The following SYT17 variants were observed in gnomAD, a reference collection of about 807,000 sequenced individuals.
SYT17 encodes the protein synaptotagmin 17.
Under a neutral mutation model 46.7 loss-of-function variants are expected in SYT17, and 22 were observed. That is an observed-to-expected ratio of 0.47 (90% confidence interval 0.34 to 0.67). The LOEUF (loss-of-function observed/expected upper bound fraction) is 0.67, where lower values mean the gene tolerates loss of function less well. Ranked by LOEUF, SYT17 falls within the 30% of genes least tolerant of loss-of-function variation. SYT17 has a pLI of 0.01. For synonymous variants in SYT17, 251 were observed against 248.4 expected, an observed-to-expected ratio of 1.01 and a Z score of -0.10; for missense variants, 519 against 612.8, an observed-to-expected ratio of 0.85 and a Z score of 1.62.
At chr16:19,187,487 G>A (rs1384964313) in intron 5 of SYT17, among the ~76,000 whole-genome samples, 1 of 152,166 alleles carries the variant, frequency 6.6e-6, no homozygotes, top group African/African-American at 2.4e-5. Context: ...CACATTTGGG[G>A]AGCAAATGTA....
In SYT17 at chr16:19,267,157, C is replaced by G; in HGVS notation, c.*81C>G. 7.8e-7 allele frequency: 1 copy of G among 1,276,256 alleles called. No homozygotes were observed. The highest frequency in any genetic ancestry group is 1.1e-6 in the Non-Finnish European group (1 of 947,898). 79.1% of individuals were successfully genotyped at this position (1,276,256 alleles called of 1,614,324 possible). On this transcript the variant is annotated 3_prime_UTR_variant, in exon 8 of 8. Coordinates refer to ENST00000355377, the MANE Select transcript of SYT17 (RefSeq NM_016524.4). ...AAAATGTGTCACATACTATTACATC[C>G]ACACCTGCATACACACTCGCAACAT...
intron 7 of SYT17, among the ~76,000 whole-genome samples, chr16:19,238,541 C>T (rs975872622): frequency 9.2e-5 from 14 of 152,230 alleles, no homozygotes; most frequent in East Asian, 3.8e-4. Flanking sequence ...TTGGCTGGAT[C>T]GTACACATCC....
At chr16:19,168,159 C>G (rs1036710108), upstream of SYT17, 1 of 162,986 alleles carries the variant, frequency 6.1e-6, no homozygotes, top group Non-Finnish European at 1.3e-5. This position sits in a 1 kb window ranked among gnomAD's most constrained non-coding sequence, Gnocchi z 6.9. Flanking sequence ...GTGCCAGCCC[C>G]CGTGCCAGCA....
chr16:19,234,265 G>C (rs1439379669), intron 7 of SYT17, among the ~76,000 whole-genome samples: 1 of 152,082 alleles, frequency 6.6e-6, no homozygotes. Context: ...GTCCAAGGCT[G>C]CAGTAAACTA....
intron 7 of SYT17, among the ~76,000 whole-genome samples, chr16:19,245,963 G>A (rs1482179586): frequency 6.6e-6 from 1 of 151,920 alleles, no homozygotes; most frequent in East Asian, 1.9e-4. Context: ...ATGCATGTAT[G>A]CATATTATTA....
chr16:19,194,045 C>G (rs1329577660), intron 5 of SYT17, among the ~76,000 whole-genome samples: 1 of 152,226 alleles, frequency 6.6e-6, no homozygotes, highest in Admixed American at 6.5e-5. Context: ...AATGCGGCAT[C>G]TTCCATGCCT....
At chr16:19,247,171 A>G (rs1341025294) in intron 7 of SYT17, among the ~76,000 whole-genome samples, 1 of 152,232 alleles carries the variant, frequency 6.6e-6, no homozygotes, top group Non-Finnish European at 1.5e-5. Context: ...GAGGTGGAGA[A>G]GTATAAAGCC....
chr16:19,185,922 G>C (rs1964770153), intron 5 of SYT17, among the ~76,000 whole-genome samples: 2 of 152,106 alleles, frequency 1.3e-5, no homozygotes, highest in South Asian at 4.1e-4. Context: ...ATATCTAATT[G>C]GGCAGACAAG....
chr16:19,243,858 A>T lies in SYT17; in HGVS notation c.1228+19020A>T, dbSNP rs1413991892. Among the ~76,000 whole-genome samples, 6 of 149,206 alleles carry T rather than the reference A, an allele frequency of 4.0e-5. No homozygotes were observed. The East Asian group carries it at 1.2e-3, about 29-fold the overall frequency. On this transcript the variant is annotated intron_variant, in intron 7 of 7. Transcript: ENST00000355377. ...AAAAAAAAAAAAAAGATATGCCCTG[A>T]CAACCTCGTGATAAAATAAGGGCCC...
chr16:19,200,563 A>G (rs1325248589), intron 5 of SYT17, among the ~76,000 whole-genome samples: 1 of 152,210 alleles, frequency 6.6e-6, no homozygotes, highest in East Asian at 1.9e-4. Flanking sequence ...AAGCCTTAGA[A>G]GGATCAGATT....
At chr16:19,189,983 A>G (rs1377137100) in intron 5 of SYT17, among the ~76,000 whole-genome samples, 2 of 152,160 alleles carry the variant, frequency 1.3e-5, no homozygotes, top group South Asian at 4.1e-4. Context: ...ACTGGCAGCT[A>G]ATGGAGCTAT....
intron 7 of SYT17, among the ~76,000 whole-genome samples, chr16:19,249,242 C>A (rs60158743): frequency 0.051 from 7,719 of 151,170 alleles, 685 homozygotes; most frequent in African/African-American, 0.18. Context: ...CCACGGCACT[C>A]CAGCCTGGGC....
chr16:19,185,904 C>T (rs993314729), intron 5 of SYT17, among the ~76,000 whole-genome samples: 1 of 152,172 alleles, frequency 6.6e-6, no homozygotes, highest in African/African-American at 2.4e-5. Context: ...GGTAATCACA[C>T]CTGGTGAATA....
intron 7 of SYT17, among the ~76,000 whole-genome samples, chr16:19,233,965 T>C (rs945651489): frequency 1.1e-4 from 17 of 152,162 alleles, no homozygotes; most frequent in African/African-American, 3.1e-4. Flanking sequence ...CTCTGCCTAA[T>C]AGAGAGAAGG....
chr16:19,249,951 C>T (rs1370050757), intron 7 of SYT17: 2 of 1,535,948 alleles, frequency 1.3e-6, no homozygotes, highest in Non-Finnish European at 8.7e-7. Flanking sequence ...GATCCAACAG[C>T]CCCATACCAG....
chr16:19,256,402 C>T (rs1032276145), intron 7 of SYT17, among the ~76,000 whole-genome samples: 2 of 146,056 alleles, frequency 1.4e-5, no homozygotes, highest in African/African-American at 5.1e-5. Context: ...TGGCCTTTTC[C>T]CTTATATGCT....
chr16:19,266,992 C>T lies in SYT17; in HGVS notation c.1341C>T (p.His447=). The change falls in exon 8 of 8, where the codon CAC becomes CAT. Residue 447 remains histidine (H), a synonymous_variant. Coordinates refer to ENST00000355377, the MANE Select transcript of SYT17 (RefSeq NM_016524.4). ...ACTGGAGGCGCATGCTCAACACGCA[C>T]CGCACAGCCGTGGAGCAGTGGCATA... ...TNHWRRMLNT[H]RTAVEQWHSL... 3 of 1,613,754 alleles carry T rather than the reference C, an allele frequency of 1.9e-6. No individual in the cohort carries two copies. Among genetic ancestry groups the T allele is most frequent in the South Asian group, 2.2e-5 (2 of 91,042 alleles).
At chr16:19,210,511 C>G (rs1027214281) in intron 5 of SYT17, among the ~76,000 whole-genome samples, 1 of 142,318 alleles carries the variant, frequency 7.0e-6, no homozygotes, top group African/African-American at 2.6e-5. Context: ...TTTAAATACC[C>G]TTTTTTTTTC....
In SYT17 at chr16:19,216,031, C is replaced by T. The variant is rs183588921; in HGVS notation, c.952-7014C>T. ...AGACTTGCCTCCATGATTCAATTAC[C>T]TCCCACCAGGCCCCTCCCACTATAT... is the stretch of plus-strand genomic sequence containing the variant. On this transcript the variant is annotated intron_variant, in intron 5 of 7. Coordinates refer to ENST00000355377, the MANE Select transcript of SYT17 (RefSeq NM_016524.4). 5.3e-4 allele frequency among the ~76,000 whole-genome samples: 81 copies of T among 152,262 alleles called. No homozygotes were observed. The East Asian group carries it at 0.015, about 28-fold the overall frequency.
Sources: allele counts gnomAD v4.1 joint callset (sites outside exome capture counted in the v4.1 genomes callset), GRCh38; gene constraint gnomAD v4.1.1; non-coding constraint Gnocchi (gnomAD v3.1); transcripts MANE v1.5; gene names NCBI Gene and HGNC (gene_info 2026-07-23, HGNC 2026-07-21).